Variants in PDE7B observed in about 807,000 individuals in gnomAD.
PDE7B encodes the protein phosphodiesterase 7B.
In PDE7B, 29 loss-of-function variants were observed where a neutral mutation model predicts 56.2. The observed-to-expected ratio is 0.52, with a 90% CI of 0.38 to 0.70. PDE7B has a LOEUF of 0.70. PDE7B is among the 30% of genes least tolerant of loss of function. The pLI is 0.00. For missense variants in PDE7B, 490 were observed against 565.0 expected, an observed-to-expected ratio of 0.87 and a Z score of 1.35; for synonymous variants, 197 against 196.9, an observed-to-expected ratio of 1.00 and a Z score of 0.00.
chr6:136,100,034 C>G (rs1777535190), intron 2 of PDE7B, among the ~76,000 whole-genome samples: 2 of 152,146 alleles, frequency 1.3e-5, no homozygotes, highest in Admixed American at 6.5e-5. Flanking sequence ...ATAGGGAATC[C>G]TTTCCCAATT....
chr6:136,000,980 C>T (rs535199432), intron 2 of PDE7B, among the ~76,000 whole-genome samples: 11 of 152,250 alleles, frequency 7.2e-5, no homozygotes, highest in Non-Finnish European at 1.2e-4. Flanking sequence ...CTCACACAGC[C>T]GGGTACTCCT....
At position 135,943,044 on chromosome 6, in the gene PDE7B, C is replaced by G. The variant is rs191824675; in HGVS notation, c.22-4420C>G. ...TGGAAAATTCTTAATAAATTAGCAA[C>G]CAACTTGTGAAATGTTGTGACTTTT... On this transcript the variant is annotated intron_variant, in intron 1 of 12. Transcript: ENST00000308191. Among the ~76,000 whole-genome samples, 62 of 152,246 alleles carry G rather than the reference C, an allele frequency of 4.1e-4. 1 individual carries two copies. Among genetic ancestry groups the G allele is most frequent in the African/African-American group, 1.3e-3 (54 of 41,550 alleles).
chr6:136,019,850 G>A lies in PDE7B; in HGVS notation c.82+72326G>A, dbSNP rs551688098. 1.2e-4 allele frequency among the ~76,000 whole-genome samples: 19 copies of A among 152,258 alleles called. No individual in the cohort carries two copies. The South Asian group carries it at 3.7e-3, about 30-fold the overall frequency. ...TATTTACTATACATTATGTGGAAGT[G>A]GATCATCATAAAGGTTTTCATCTTT... On this transcript the variant is annotated intron_variant, in intron 2 of 12. Coordinates refer to ENST00000308191, the MANE Select transcript of PDE7B (RefSeq NM_018945.4).
At chr6:136,096,944 T>C (rs1186040973) in intron 2 of PDE7B, among the ~76,000 whole-genome samples, 1 of 152,154 alleles carries the variant, frequency 6.6e-6, no homozygotes, top group Non-Finnish European at 1.5e-5. Flanking sequence ...CAATCACCAT[T>C]TCAGTTGTGC....
chr6:135,933,575 A>G (rs1423311170), intron 1 of PDE7B, among the ~76,000 whole-genome samples: 1 of 152,134 alleles, frequency 6.6e-6, no homozygotes, highest in African/African-American at 2.4e-5. Context: ...TTTGAAAGTT[A>G]TTTGCTATTA....
chr6:136,154,485 C>G (rs2018180467), intron 7 of PDE7B, among the ~76,000 whole-genome samples: 1 of 151,164 alleles, frequency 6.6e-6, no homozygotes, highest in Non-Finnish European at 1.5e-5. Context: ...GTCCATAGAA[C>G]TAGCTCCGTG....
At chr6:136,181,444 C>A in intron 11 of PDE7B, 121 bp downstream of exon 11, 1 of 678,426 alleles carries the variant, frequency 1.5e-6, no homozygotes, top group Non-Finnish European at 2.6e-6. Context: ...TCTTGTTATC[C>A]TAACCTTTCT....
intron 8 of PDE7B, among the ~76,000 whole-genome samples, chr6:136,173,108 C>A (rs1009045028): frequency 2.0e-5 from 3 of 152,268 alleles, no homozygotes; most frequent in Non-Finnish European, 4.4e-5. Flanking sequence ...AATGCCATCC[C>A]CATCAAACTA....
chr6:135,956,341 A>G (rs1257678395), intron 2 of PDE7B, among the ~76,000 whole-genome samples: 4 of 152,218 alleles, frequency 2.6e-5, no homozygotes, highest in Non-Finnish European at 4.4e-5. Flanking sequence ...TGTAGAGGTC[A>G]AATGAGATAA....
chr6:135,924,455 G>A (rs1774145758), intron 1 of PDE7B, among the ~76,000 whole-genome samples: 2 of 152,200 alleles, frequency 1.3e-5, no homozygotes, highest in South Asian at 2.1e-4. Flanking sequence ...CAGTCTGAGA[G>A]CCTGAAAAGC....
chr6:135,900,294 TA>T (rs1263123895), intron 1 of PDE7B, among the ~76,000 whole-genome samples: 1 of 152,170 alleles, frequency 6.6e-6, no homozygotes, highest in Non-Finnish European at 1.5e-5. Context: ...GCTCCTTAAA[TA>T]GGTGTACTTC....
Position 136,195,286 on chromosome 6 carries a change from G to A in PDE7B, c.*3446G>A, listed in dbSNP as rs1779295819. On this transcript the variant is annotated 3_prime_UTR_variant, in exon 13 of 13. Transcript: ENST00000308191. ...TGTCCTGCAACTTTGTCTTCAGATA[G>A]TGCTTCCTACAAAACTAGGTCTTGT... The A allele has an allele frequency of 6.6e-6, 1 of 152,016 alleles. No homozygotes were observed. Among genetic ancestry groups the A allele is most frequent in the Non-Finnish European group, 1.5e-5 (1 of 68,018 alleles). The allele number at this position is 152,016 out of a possible 1,614,324, so 9.4% of individuals were successfully genotyped here. A position where few individuals can be genotyped will look rare whatever the true frequency, so the allele number is the denominator to read the frequency against.
chr6:135,938,207 C>T (rs892825508), intron 1 of PDE7B, among the ~76,000 whole-genome samples: 1 of 152,206 alleles, frequency 6.6e-6, no homozygotes, highest in Non-Finnish European at 1.5e-5. Flanking sequence ...TTTTCTCCAA[C>T]ACAAAGTGTC....
intron 3 of PDE7B, among the ~76,000 whole-genome samples, chr6:136,141,959 T>C (rs998210577): frequency 2.0e-5 from 3 of 152,188 alleles, no homozygotes; most frequent in Non-Finnish European, 2.9e-5. Flanking sequence ...TTTCCTTCAG[T>C]TCTGCTCTGA....
At chr6:136,064,015 T>C (rs1391363911) in intron 2 of PDE7B, among the ~76,000 whole-genome samples, 3 of 152,222 alleles carry the variant, frequency 2.0e-5, no homozygotes, top group Non-Finnish European at 4.4e-5. Flanking sequence ...TAATGTTGAC[T>C]GAAAAATATA....
chr6:136,171,907 G>A (rs903898113), intron 8 of PDE7B, among the ~76,000 whole-genome samples: 12 of 150,948 alleles, frequency 7.9e-5, no homozygotes, highest in South Asian at 2.1e-4. Flanking sequence ...TTGTTCTTGC[G>A]ATAGTTTACT....
chr6:136,127,117 G>C (rs892573304), intron 3 of PDE7B, among the ~76,000 whole-genome samples: 6 of 152,070 alleles, frequency 3.9e-5, no homozygotes, highest in Non-Finnish European at 7.4e-5. Flanking sequence ...TTATAAACAG[G>C]CTTTTCACCC....
At chr6:135,946,561 C>T (rs967653005) in intron 1 of PDE7B, among the ~76,000 whole-genome samples, 7 of 152,144 alleles carry the variant, frequency 4.6e-5, no homozygotes, top group African/African-American at 1.7e-4. Flanking sequence ...GTCTTGAAAA[C>T]ACTTGTTATT....
chr6:136,092,275 G>A (rs1777399586), intron 2 of PDE7B, among the ~76,000 whole-genome samples: 5 of 152,102 alleles, frequency 3.3e-5, no homozygotes, highest in Admixed American at 3.3e-4. Context: ...ATGTAATTGG[G>A]TTTGGACATG....
Sources: gnomAD v4.1 joint callset for allele counts (sites outside exome capture counted in the v4.1 genomes callset) on GRCh38, gnomAD v4.1.1 for gene constraint, MANE v1.5 for transcripts, NCBI Gene and HGNC (gene_info 2026-07-23, HGNC 2026-07-21) for gene names.